Variants in SCN4A observed in about 807,000 individuals in gnomAD.
SCN4A encodes sodium channel protein type 4 subunit alpha.
A neutral mutation model predicts 162.0 loss-of-function variants in SCN4A; 83 were observed. That is an observed-to-expected ratio of 0.51 (90% CI 0.43 to 0.61). The LOEUF (loss-of-function observed/expected upper bound fraction) is 0.61. Among genes scored for constraint, SCN4A ranks in the 20% least tolerant of loss-of-function variants. The pLI is 0.00. For synonymous variants in SCN4A, 944 were observed against 985.1 expected, an observed-to-expected ratio of 0.96 and a Z score of 0.78; for missense variants, 2,196 against 2,462.5, an observed-to-expected ratio of 0.89 and a Z score of 2.29.
chr17:63,964,525 C>G lies in SCN4A; in HGVS notation c.1395G>C (p.Glu465Asp). The G allele has an allele frequency of 6.2e-7, 1 of 1,614,084 alleles. No homozygotes were observed. The change falls in exon 9 of 24, where the codon GAG becomes GAC. Residue 465 changes from glutamate to aspartate, a missense_variant. Physicochemically the swap from Glu to Asp is conservative, Grantham distance 45. Transcript: ENST00000435607. ...TCTCAAGCATCTGCTGAAACTCCTC[C>G]TCTTTCTCCTTATCCTCGGCCAGGG... ...EATLAEDKEKEEEFQQMLEKF... is the reference protein window; with the variant it reads ...EATLAEDKEKDEEFQQMLEKF...
In SCN4A at chr17:63,939,768, G is replaced by C. The variant is rs1174837872; in HGVS notation, c.*1003C>G. 2 of 152,388 alleles carry C rather than the reference G, an allele frequency of 1.3e-5. No homozygotes were observed. The highest frequency in any genetic ancestry group is 3.4e-3 in the Middle Eastern group (1 of 294). The allele number at this position is 152,388 out of a possible 1,614,324, so 9.4% of individuals were successfully genotyped here. On this transcript the variant is annotated 3_prime_UTR_variant, in exon 24 of 24. Coordinates refer to ENST00000435607, the MANE Select transcript of SCN4A (RefSeq NM_000334.4). ...TTCTTAGGATCACTTTGGGGAGAGAGGTGGGAAAGGTGAGAAAGAGACGGG... is the reference window on the plus strand; with the variant it reads ...TTCTTAGGATCACTTTGGGGAGAGACGTGGGAAAGGTGAGAAAGAGACGGG...
chr17:63,971,385 G>A, intron 4 of SCN4A, 132 bp from the exon 5 acceptor site: 1 of 664,938 alleles, frequency 1.5e-6, no homozygotes, highest in Middle Eastern at 4.0e-4. Flanking sequence ...TGGGGGGCAG[G>A]GCAGACACCC....
intron 13 of SCN4A, among the ~76,000 whole-genome samples, chr17:63,956,283 C>G (rs537321591): frequency 2.0e-5 from 3 of 152,230 alleles, no homozygotes; most frequent in East Asian, 3.8e-4. Flanking sequence ...CTCTGCCCCC[C>G]CATGCTGGAG....
At chr17:63,963,153 C>G in intron 10 of SCN4A, among the ~76,000 whole-genome samples, 1 of 152,234 alleles carries the variant, frequency 6.6e-6, no homozygotes, top group East Asian at 1.9e-4. Context: ...TATTCACCCT[C>G]TCTCATCATG....
chr17:63,943,299 T>C (rs527907788), intron 22 of SCN4A, among the ~76,000 whole-genome samples: 13 of 151,864 alleles, frequency 8.6e-5, no homozygotes, highest in Non-Finnish European at 1.9e-4. Flanking sequence ...CATCAGATCA[T>C]GACAGGTCTG....
chr17:63,954,464 C>T (rs1909011774), intron 13 of SCN4A, among the ~76,000 whole-genome samples: 1 of 152,130 alleles, frequency 6.6e-6, no homozygotes, highest in South Asian at 2.1e-4. Context: ...GGCTCCTGCC[C>T]AAGACAGAAA....
In SCN4A at chr17:63,972,670, A is replaced by G. The variant is rs566620453; in HGVS notation, c.172T>C (p.Leu58=). 2.5e-6 allele frequency: 4 copies of G among 1,613,468 alleles called. No homozygotes were observed. The highest frequency in any genetic ancestry group is 1.3e-5 in the African/African-American group (1 of 75,014). Residue 58 remains leucine, a synonymous_variant, in exon 1 of 24, where the codon TTG becomes CTG. Transcript: ENST00000435607. This position sits in a 1 kb window ranked among gnomAD's most constrained non-coding sequence, Gnocchi z 4.3. ...EEPERKPRSD[L]EAGKNLPMIY... is the part of the protein sequence containing the mutation. ...ATGGGTAGGTTCTTGCCAGCCTCCA[A>G]GTCACTTCGTGGCTTCCGTTCGGGC...
chr17:63,961,029 C>A (rs926314725), intron 11 of SCN4A, among the ~76,000 whole-genome samples, 164 bp downstream of exon 11: 1 of 145,850 alleles, frequency 6.9e-6, no homozygotes, highest in Non-Finnish European at 1.5e-5. Context: ...CCCAAGTACC[C>A]CCCCCCACAT....
chr17:63,946,903 C>G, intron 18 of SCN4A, 142 bp downstream of exon 18: 1 of 800,764 alleles, frequency 1.2e-6, no homozygotes, highest in Non-Finnish European at 2.0e-6. Flanking sequence ...GGGGCCAGAC[C>G]TGGCCTCAGG....
At position 63,964,476 on chromosome 17, in the gene SCN4A, G is replaced by T. The variant is rs1567826066; in HGVS notation, c.1444C>A (p.Leu482Met). ...LEKFKKHQEE[L>M]EKAKAAQALE... ...TTTCCCTGAGTCCAGACCTTCTCCA[G>T]CTCCTCCTGGTGCTTTTTGAACTTC... Residue 482 changes from leucine to methionine, a missense_variant, in exon 9 of 24, where the codon CTG becomes ATG. Transcript: ENST00000435607. The T allele has an allele frequency of 1.2e-6, 2 of 1,613,834 alleles. No homozygotes were observed. The highest frequency in any genetic ancestry group is 8.5e-7 in the Non-Finnish European group (1 of 1,179,746).
At chr17:63,964,951 C>A (rs934426050) in intron 8 of SCN4A, among the ~76,000 whole-genome samples, 1 of 152,224 alleles carries the variant, frequency 6.6e-6, no homozygotes, top group Non-Finnish European at 1.5e-5. Flanking sequence ...AATTGGTGAA[C>A]ATGGGTTTGG....
Position 63,951,457 on chromosome 17 carries a change from T to G in SCN4A, c.2820A>C (p.Glu940Asp), listed in dbSNP as rs1908903232. ...ESDLEMPTEE[E>D]TDTFSEPEDS... ...CCTCAGGCTCTGAGAAAGTGTCGGT[T>G]TCCTCCTCGGTGGGCATCTCCAGGT... Residue 940 changes from glutamate to aspartate, a missense_variant, in exon 14 of 24, where the codon GAA becomes GAC. Physicochemically the swap from Glu to Asp is conservative, Grantham distance 45. Coordinates refer to ENST00000435607, the MANE Select transcript of SCN4A (RefSeq NM_000334.4). The surrounding 1 kb of genome is among the most constrained non-coding windows in gnomAD (Gnocchi z 4.5). 3 of 1,606,278 alleles carry G rather than the reference T, an allele frequency of 1.9e-6. No homozygotes were observed. Among genetic ancestry groups the G allele is most frequent in the Non-Finnish European group, 2.6e-6 (3 of 1,173,560 alleles).
At chr17:63,960,202 C>T (rs1248113811) in intron 11 of SCN4A, among the ~76,000 whole-genome samples, 4 of 152,364 alleles carry the variant, frequency 2.6e-5, no homozygotes, top group Non-Finnish European at 2.9e-5. Flanking sequence ...CAGAGGCTGT[C>T]CCTGGCCACA....
chr17:63,944,894 C>G lies in SCN4A; in HGVS notation c.3775-84G>C, dbSNP rs546109203. On this transcript the variant is annotated intron_variant, in intron 20 of 23. Coordinates refer to ENST00000435607, the MANE Select transcript of SCN4A (RefSeq NM_000334.4). This position sits in a 1 kb window ranked among gnomAD's most constrained non-coding sequence, Gnocchi z 4.3. Reference sequence around the variant, plus strand: ...CACAGCCCTGAGGGCAGGACCCATCCACCCCCAGGGCTGCCAAGTCTCGGG... The same window carrying G: ...CACAGCCCTGAGGGCAGGACCCATCGACCCCCAGGGCTGCCAAGTCTCGGG... 1.3e-6 allele frequency: 2 copies of G among 1,593,618 alleles called. No homozygotes were observed. Among genetic ancestry groups the G allele is most frequent in the Non-Finnish European group, 1.7e-6 (2 of 1,167,474 alleles).
chr17:63,941,922 G>T lies in SCN4A; in HGVS notation c.4360C>A (p.Arg1454=), dbSNP rs879253789. 1 of 1,610,278 alleles carries T rather than the reference G, an allele frequency of 6.2e-7. No homozygotes were observed. Among genetic ancestry groups the T allele is most frequent in the Middle Eastern group, 1.7e-4 (1 of 6,050 alleles). The part of the protein sequence containing the change: ...PTLFRVIRLA[R]IGRVLRLIRG... Reference sequence around the variant, plus strand: ...ATCAGCCGCAGGACACGCCCAATCCGCGCCAGGCGGATCACACGGAACAGC... The same window carrying T: ...ATCAGCCGCAGGACACGCCCAATCCTCGCCAGGCGGATCACACGGAACAGC... The change falls in exon 24 of 24, where the codon CGG becomes AGG. Residue 1454 remains arginine (R), a synonymous_variant. Coordinates refer to ENST00000435607, the MANE Select transcript of SCN4A (RefSeq NM_000334.4). This position sits in a 1 kb window ranked among gnomAD's most constrained non-coding sequence, Gnocchi z 6.2.
At chr17:63,946,462 G>T (rs1597969966) in intron 18 of SCN4A, among the ~76,000 whole-genome samples, 6 of 106,660 alleles carry the variant, frequency 5.6e-5, no homozygotes, top group African/African-American at 1.8e-4. Flanking sequence ...CATTTTTCTT[G>T]CCCCCCCCCC....
At chr17:63,957,056 C>T in intron 13 of SCN4A, 106 bp downstream of exon 13, 1 of 756,974 alleles carries the variant, frequency 1.3e-6, no homozygotes, top group Non-Finnish European at 2.1e-6. Context: ...CATAAAATTG[C>T]CATTTTGGAG....
Position 63,947,908 on chromosome 17 carries a change from G to A in SCN4A, c.3300C>T (p.Leu1100=), listed in dbSNP as rs746242315. The change falls in exon 17 of 24, where the codon CTC becomes CTT. Residue 1100 remains leucine (L), a synonymous_variant. Transcript: ENST00000435607. The stretch of plus-strand genomic sequence containing the variant: ...GACTCACATCCACGATGAGGAAGTC[G>A]AGCCAGCACCAGGCGTTGGTGAAGT... ...KVYFTNAWCW[L]DFLIVDVSII... is the part of the protein sequence containing the mutation. The A allele has an allele frequency of 2.2e-5, 35 of 1,613,452 alleles. No individual in the cohort carries two copies. The highest frequency in any genetic ancestry group is 2.9e-5 in the Non-Finnish European group (34 of 1,179,666).
At chr17:63,956,103 A>G (rs1909063945) in intron 13 of SCN4A, among the ~76,000 whole-genome samples, 1 of 152,236 alleles carries the variant, frequency 6.6e-6, no homozygotes, top group Admixed American at 6.5e-5. Context: ...GGCCAGCTGG[A>G]CCATGGCCCT....
Sources: allele counts gnomAD v4.1 joint callset (sites outside exome capture counted in the v4.1 genomes callset), GRCh38; gene constraint gnomAD v4.1.1; non-coding constraint Gnocchi (gnomAD v3.1); transcripts MANE v1.5; gene names NCBI Gene and HGNC (gene_info 2026-07-23, HGNC 2026-07-21).